ATF6: variants seen among roughly 807,000 people sequenced by gnomAD.
ATF6 encodes the protein activating transcription factor 6, also known as cyclic AMP-dependent transcription factor ATF-6 alpha.
A neutral mutation model predicts 83.6 loss-of-function variants in ATF6; 53 were observed. The observed-to-expected ratio is 0.63, with a 90% CI of 0.51 to 0.80. The LOEUF is 0.80. ATF6 is among the 30% of genes least tolerant of loss of function. The probability of loss-of-function intolerance (pLI) is 0.00; values close to 1 mark genes in which losing one functional copy is unlikely to be tolerated. For synonymous variants in ATF6, 288 were observed against 285.8 expected, an observed-to-expected ratio of 1.01 and a Z score of -0.08; for missense variants, 744 against 797.9, an observed-to-expected ratio of 0.93 and a Z score of 0.81.
At chr1:161,821,845 C>T (rs570375810) in intron 9 of ATF6, among the ~76,000 whole-genome samples, 58 of 152,178 alleles carry the variant, frequency 3.8e-4, no homozygotes, top group Admixed American at 1.1e-3. Context: ...CATTAGAAGA[C>T]TATTGAGGTG....
chr1:161,798,443 C>G (rs1194941232), intron 6 of ATF6, among the ~76,000 whole-genome samples: 1 of 152,120 alleles, frequency 6.6e-6, no homozygotes, highest in Admixed American at 6.5e-5. Context: ...GAAACCCCAT[C>G]TCTACTAAAA....
intron 14 of ATF6, among the ~76,000 whole-genome samples, chr1:161,906,718 A>G (rs1175199015): frequency 6.6e-6 from 1 of 152,196 alleles, no homozygotes; most frequent in Non-Finnish European, 1.5e-5. Context: ...TCTGTTGTAC[A>G]CTAATAGTTT....
intron 7 of ATF6, among the ~76,000 whole-genome samples, chr1:161,810,244 G>A (rs1685422540): frequency 6.6e-6 from 1 of 152,186 alleles, no homozygotes; most frequent in South Asian, 2.1e-4. Context: ...CAGGAAACAT[G>A]GCTGGGGAAG....
intron 15 of ATF6, among the ~76,000 whole-genome samples, chr1:161,929,986 C>T (rs888888458): frequency 9.2e-5 from 14 of 152,160 alleles, no homozygotes; most frequent in African/African-American, 3.1e-4. Context: ...CTGCGCAGCC[C>T]TTAACCAGAT....
intron 12 of ATF6, among the ~76,000 whole-genome samples, chr1:161,854,624 C>T (rs753354681): frequency 8.5e-5 from 13 of 152,206 alleles, no homozygotes; most frequent in Admixed American, 2.0e-4. Context: ...GTAATCCCAG[C>T]ACTTTGGGAA....
At chr1:161,803,528 T>C (rs985951126) in intron 7 of ATF6, among the ~76,000 whole-genome samples, 10 of 152,170 alleles carry the variant, frequency 6.6e-5, no homozygotes, top group African/African-American at 2.2e-4. Context: ...CTCTAATACA[T>C]AGCGTGTGTT....
At chr1:161,791,026 T>TA (rs1226734405) in intron 4 of ATF6, among the ~76,000 whole-genome samples, 1 of 151,994 alleles carries the variant, frequency 6.6e-6, no homozygotes, top group Non-Finnish European at 1.5e-5. Context: ...CTTATACTGA[T>TA]ACTGAATGTT....
chr1:161,922,584 G>T (rs56085642), intron 15 of ATF6, among the ~76,000 whole-genome samples: 15,126 of 152,010 alleles, frequency 0.1, 1,327 homozygotes, highest in East Asian at 0.32. Context: ...GTGGGAGTCA[G>T]GGGTAGAGAA....
intron 14 of ATF6, among the ~76,000 whole-genome samples, chr1:161,863,942 T>C (rs1318056651): frequency 6.6e-6 from 1 of 152,240 alleles, no homozygotes; most frequent in Admixed American, 6.5e-5. Context: ...ACTTTTTCTA[T>C]AAAATGAAAA....
intron 9 of ATF6, among the ~76,000 whole-genome samples, chr1:161,835,159 T>A (rs946464184): frequency 6.6e-6 from 1 of 152,202 alleles, no homozygotes; most frequent in African/African-American, 2.4e-5. Context: ...AGTCTTGAAC[T>A]CCTAGGCTCA....
intron 4 of ATF6, 136 bp from the exon 5 acceptor site, chr1:161,791,272 T>C: frequency 1.8e-6 from 1 of 564,588 alleles, no homozygotes; most frequent in Non-Finnish European, 2.9e-6. Context: ...TTAATATATA[T>C]ATACAGTTTC....
At chr1:161,781,263 G>T (rs922399738) in intron 2 of ATF6, among the ~76,000 whole-genome samples, 6 of 152,118 alleles carry the variant, frequency 3.9e-5, no homozygotes, top group Non-Finnish European at 7.4e-5. Context: ...TAAGAAGTTT[G>T]CTGGACCCTG....
chr1:161,804,111 C>T (rs145123349), intron 7 of ATF6, among the ~76,000 whole-genome samples: 3 of 150,060 alleles, frequency 2.0e-5, no homozygotes, highest in East Asian at 4.0e-4. Flanking sequence ...TTTGTTCTTG[C>T]GATAGTTTAC....
In ATF6 at chr1:161,778,310, A is replaced by G. The variant is rs56394151; in HGVS notation, c.149A>G (p.Asn50Ser). 116 of 1,612,884 alleles carry G rather than the reference A, an allele frequency of 7.2e-5. No individual in the cohort carries two copies. In the African/African-American group the frequency reaches 1.5e-3, roughly 20 times the overall value. The part of the protein sequence containing the change: ...DTDELQLEAA[N>S]ETYENNFDNL... ...GATGAGCTGCAATTGGAAGCAGCAA[A>G]TGAGACGTATGTAAGTATTTACTAA... The change falls in exon 2 of 16, where the codon AAT (asparagine) becomes AGT (serine). Residue 50 changes from asparagine to serine, a missense_variant. By Grantham distance (46) the Asn-to-Ser change is conservative. Coordinates refer to ENST00000367942, the MANE Select transcript of ATF6 (RefSeq NM_007348.4).
intron 9 of ATF6, among the ~76,000 whole-genome samples, chr1:161,842,974 C>T (rs1377179850): frequency 6.6e-6 from 1 of 152,148 alleles, no homozygotes; most frequent in African/African-American, 2.4e-5. Context: ...GTATACTGTA[C>T]ACATTTTTAT....
At chr1:161,942,469 C>G (rs1350246178) in intron 15 of ATF6, among the ~76,000 whole-genome samples, 1 of 152,166 alleles carries the variant, frequency 6.6e-6, no homozygotes, top group Non-Finnish European at 1.5e-5. Context: ...TTAACTCTTG[C>G]AACCACCCTA....
At chr1:161,853,109 T>C (rs1427438005) in intron 11 of ATF6, 115 bp from the exon 12 acceptor site, 1 of 708,112 alleles carries the variant, frequency 1.4e-6, no homozygotes, top group Non-Finnish European at 2.3e-6. Context: ...ATCAGGCACT[T>C]GGAATGCTCT....
chr1:161,856,880 T>C lies in ATF6; in HGVS notation c.1534-3327T>C, dbSNP rs958855435. Among the ~76,000 whole-genome samples the C allele has an allele frequency of 1.3e-4, 20 of 152,084 alleles. 1 individual carries two copies. Among genetic ancestry groups the C allele is most frequent in the African/African-American group, 4.8e-4 (20 of 41,336 alleles). ...AATTTTGTTTTAATTTTACTGTCTT[T>C]GTTCATTTGGAGATGTGTAGTTTAA... On this transcript the variant is annotated intron_variant, in intron 12 of 15. Coordinates refer to ENST00000367942, the MANE Select transcript of ATF6 (RefSeq NM_007348.4).
chr1:161,815,213 A>G (rs548269379), intron 7 of ATF6, among the ~76,000 whole-genome samples: 8 of 113,266 alleles, frequency 7.1e-5, no homozygotes, highest in Admixed American at 3.5e-4. Flanking sequence ...TTTTTTTGAG[A>G]TAGGCTCTTA....
Sources: gnomAD v4.1 joint callset for allele counts (sites outside exome capture counted in the v4.1 genomes callset) on GRCh38, gnomAD v4.1.1 for gene constraint, MANE v1.5 for transcripts, NCBI Gene and HGNC (gene_info 2026-07-23, HGNC 2026-07-21) for gene names.